The following TEX36 variants were observed in gnomAD, a reference collection of about 807,000 sequenced individuals.
TEX36 encodes testis expressed 36, also known as testis-expressed protein 36.
TEX36 carries 12 observed loss-of-function variants against 13.6 expected under a neutral mutation model. The ratio of observed to expected loss-of-function variants is 0.88; its 90% CI spans 0.56 to 1.43. The LOEUF is 1.43. Among genes scored for constraint, TEX36 ranks in the 40% most tolerant of loss-of-function variants. TEX36 has a pLI of 0.00. For synonymous variants in TEX36, 93 were observed against 83.0 expected (o/e 1.12, Z -0.65); for missense variants, 224 against 228.3 (o/e 0.98, Z 0.12).
intron 1 of TEX36, among the ~76,000 whole-genome samples, chr10:125,675,420 G>T (rs923592172): frequency 6.7e-6 from 1 of 148,838 alleles, no homozygotes; most frequent in Non-Finnish European, 1.5e-5. Context: ...CCACGGTGAT[G>T]ATGGCCACCC....
chr10:125,618,844 C>A (rs566038371), downstream of TEX36, among the ~76,000 whole-genome samples: 4 of 150,224 alleles, frequency 2.7e-5, no homozygotes, highest in Non-Finnish European at 5.9e-5. Context: ...CGGTGGCTCA[C>A]GCCTGTAATC....
intron 3 of TEX36, among the ~76,000 whole-genome samples, chr10:125,599,566 G>T (rs545622557): frequency 6.6e-6 from 1 of 152,254 alleles, no homozygotes; most frequent in South Asian, 2.1e-4. Flanking sequence ...AATAGCAAAT[G>T]GAAATTGCCC....
intron 3 of TEX36, among the ~76,000 whole-genome samples, chr10:125,591,179 C>A (rs528688637): frequency 6.6e-6 from 1 of 152,046 alleles, no homozygotes; most frequent in East Asian, 1.9e-4. Flanking sequence ...AATTTGAGAA[C>A]GAAAAAGTGA....
chr10:125,667,820 A>T, intron 1 of TEX36: 1 of 1,276,902 alleles, frequency 7.8e-7, no homozygotes, highest in South Asian at 1.2e-5. Flanking sequence ...AAGGGACTGC[A>T]GCCGCTTGGC....
At chr10:125,652,946 C>A (rs1661743633), downstream of TEX36, among the ~76,000 whole-genome samples, 1 of 152,206 alleles carries the variant, frequency 6.6e-6, no homozygotes, top group South Asian at 2.1e-4. Context: ...GATACCATCT[C>A]ACACCAGTTA....
intron 2 of TEX36, among the ~76,000 whole-genome samples, 158 bp downstream of exon 2, chr10:125,661,688 C>T (rs1847045313): frequency 6.6e-6 from 1 of 152,180 alleles, no homozygotes; most frequent in Non-Finnish European, 1.5e-5. Flanking sequence ...CGCAGAGCAC[C>T]AGGGTATGGG....
downstream of TEX36, among the ~76,000 whole-genome samples, chr10:125,618,965 A>AC (rs1565175811): frequency 6.9e-6 from 1 of 145,152 alleles, no homozygotes; most frequent in Non-Finnish European, 1.5e-5. Context: ...AAAAAAAAAA[A>AC]AAAAAATACA....
rs150743195 is a variant in TEX36, at chr10:125,681,420, A to C, written c.51+1519T>G. 3.3e-3 allele frequency among the ~76,000 whole-genome samples: 500 copies of C among 152,354 alleles called. 2 individuals are homozygous for C. In the Middle Eastern group the frequency reaches 0.034, roughly 10 times the overall value. ...TAATAGCTAGAGGGAAAGCTACTTA[A>C]TCTGAGCAACTTACATTTTTCTTTT... On this transcript the variant is annotated intron_variant, in intron 1 of 3. Transcript: ENST00000368821.
intron 1 of TEX36, 93 bp from the exon 2 acceptor site, chr10:125,662,070 A>G (rs1472722106): frequency 6.8e-7 from 1 of 1,475,334 alleles, no homozygotes; most frequent in Non-Finnish European, 9.1e-7. Flanking sequence ...ATTAAAATGC[A>G]ATTTGGGTGC....
At chr10:125,596,287 TATAAG>T (rs1219629816) in intron 3 of TEX36, among the ~76,000 whole-genome samples, 5 of 152,132 alleles carry the variant, frequency 3.3e-5, no homozygotes, top group Non-Finnish European at 4.4e-5. Flanking sequence ...CAAAGATCCT[TATAAG>T]AGGAGAGAAG....
downstream of TEX36, among the ~76,000 whole-genome samples, chr10:125,620,037 C>G (rs929740383): frequency 6.6e-6 from 1 of 151,974 alleles, no homozygotes; most frequent in South Asian, 2.1e-4. Flanking sequence ...CTCTATTTTG[C>G]CAGGTATTTA....
At position 125,603,112 on chromosome 10, in the gene TEX36, G is replaced by A. The variant is rs577219104; in HGVS notation, c.265-26238C>T. On this transcript the variant is annotated intron_variant, in intron 3 of 3. Transcript: ENST00000532135. ...AAGAGACTCGGACCATTTTTCAGGA[G>A]CGATGACCATCTGCGGACAAGGCCA... Among the ~76,000 whole-genome samples the A allele has an allele frequency of 7.9e-5, 12 of 152,334 alleles. No homozygotes were observed. The South Asian group carries it at 2.3e-3, about 29-fold the overall frequency.
chr10:125,613,013 C>A (rs984720031), intron 3 of TEX36, among the ~76,000 whole-genome samples: 2 of 151,902 alleles, frequency 1.3e-5, no homozygotes, highest in Non-Finnish European at 2.9e-5. Flanking sequence ...TCTCTTTGCA[C>A]CACTGCAGAA....
At chr10:125,581,365 A>T (rs1055077613) in intron 3 of TEX36, among the ~76,000 whole-genome samples, 4 of 151,756 alleles carry the variant, frequency 2.6e-5, no homozygotes, top group African/African-American at 9.7e-5. Context: ...ATAACTCACC[A>T]CTCAGGCACA....
intron 3 of TEX36, among the ~76,000 whole-genome samples, chr10:125,601,289 A>G (rs997530268): frequency 1.3e-5 from 2 of 152,282 alleles, no homozygotes; most frequent in Non-Finnish European, 2.9e-5. Context: ...AGAAACTATA[A>G]TAATTACTAT....
In TEX36 at chr10:125,661,885, C is replaced by G; in HGVS notation, c.144G>C (p.Ala48=). 6.4e-7 allele frequency: 1 copy of G among 1,552,084 alleles called. No homozygotes were observed. Among genetic ancestry groups the G allele is most frequent in the South Asian group, 1.2e-5 (1 of 84,060 alleles). The change falls in exon 2 of 4, where the codon GCG becomes GCC. Residue 48 remains alanine (A), a synonymous_variant. Transcript: ENST00000368821. ...EPQSPHLPRQ[A]EGKLPPIYKV... is the part of the protein sequence containing the mutation. ...TGTATATGGGCGGCAGCTTCCCCTC[C>G]GCTTGCCGAGGCAAGTGTGGACTCT...
chr10:125,641,679 G>A (rs193157182), intron 3 of TEX36, among the ~76,000 whole-genome samples: 22 of 152,290 alleles, frequency 1.4e-4, no homozygotes, highest in Admixed American at 3.3e-4. Context: ...TCTTTAACTG[G>A]CTGTTTATTC....
At chr10:125,660,418 C>T (rs1309334419) in intron 3 of TEX36, among the ~76,000 whole-genome samples, 1 of 152,338 alleles carries the variant, frequency 6.6e-6, no homozygotes, top group East Asian at 1.9e-4. Context: ...AGCCACTGCT[C>T]CCAGCCAATA....
intron 3 of TEX36, among the ~76,000 whole-genome samples, chr10:125,641,059 G>T (rs1019541151): frequency 2.0e-5 from 3 of 151,314 alleles, no homozygotes; most frequent in South Asian, 2.1e-4. Flanking sequence ...CTCTTCTCCC[G>T]AACTGTAGAC....
Sources: gnomAD v4.1 joint callset for allele counts (sites outside exome capture counted in the v4.1 genomes callset) on GRCh38, gnomAD v4.1.1 for gene constraint, MANE v1.5 for transcripts, NCBI Gene and HGNC (gene_info 2026-07-23, HGNC 2026-07-21) for gene names.